CEP112: variants seen among roughly 807,000 people sequenced by gnomAD.
CEP112 encodes the protein centrosomal protein 112, also known as centrosomal protein of 112 kDa.
In CEP112, 127 loss-of-function variants were observed where a neutral mutation model predicts 153.0. That is an observed-to-expected ratio of 0.83 (90% CI 0.72 to 0.96). The LOEUF (loss-of-function observed/expected upper bound fraction) is 0.96, where lower values mean the gene tolerates loss of function less well. Among genes scored for constraint, CEP112 ranks in the 40% least tolerant of loss-of-function variants. The pLI, the probability that CEP112 is intolerant of heterozygous loss-of-function variation, is 0.00. For missense variants in CEP112, 1,089 were observed against 1,101.2 expected (o/e 0.99, Z 0.16); for synonymous variants, 358 against 374.4 (o/e 0.96, Z 0.51).
At chr17:66,002,800 C>A (rs756454087) in intron 17 of CEP112, among the ~76,000 whole-genome samples, 18 of 152,032 alleles carry the variant, frequency 1.2e-4, no homozygotes, top group Admixed American at 1.3e-4. Flanking sequence ...AAGAAATAAA[C>A]CCTTATTCAA....
chr17:65,905,468 G>A (rs892347449), intron 19 of CEP112, among the ~76,000 whole-genome samples: 1 of 152,246 alleles, frequency 6.6e-6, no homozygotes, highest in Non-Finnish European at 1.5e-5. Flanking sequence ...TAGAGAGGAT[G>A]TGGAGAAACA....
chr17:65,875,367 C>T (rs1257460176), intron 20 of CEP112, among the ~76,000 whole-genome samples: 1 of 152,002 alleles, frequency 6.6e-6, no homozygotes, highest in Non-Finnish European at 1.5e-5. Flanking sequence ...TATAGAAATG[C>T]CCTTAATAAA....
Position 66,078,282 on chromosome 17 carries a change from C to T in CEP112, c.769-8281G>A, listed in dbSNP as rs527815908. Among the ~76,000 whole-genome samples, 155 of 132,718 alleles carry T rather than the reference C, an allele frequency of 1.2e-3. 2 individuals are homozygous for T. Among genetic ancestry groups the T allele is most frequent in the African/African-American group, 4.6e-3 (152 of 33,336 alleles). The allele number at this position is 132,718 out of a possible 152,430, so 87.1% of individuals were successfully genotyped here. On this transcript the variant is annotated intron_variant, in intron 8 of 26. Coordinates refer to ENST00000535342, the MANE Select transcript of CEP112 (RefSeq NM_001199165.4). Reference sequence around the variant, plus strand: ...CTTTTTCTTTTTTTTTTTTTTGAGACGGAGTCTCACTCTGTTCCCATGCTG... The same window carrying T: ...CTTTTTCTTTTTTTTTTTTTTGAGATGGAGTCTCACTCTGTTCCCATGCTG...
At chr17:65,753,869 G>A (rs981475242) in intron 21 of CEP112, among the ~76,000 whole-genome samples, 5 of 152,144 alleles carry the variant, frequency 3.3e-5, no homozygotes, top group Non-Finnish European at 7.4e-5. Context: ...GTTAGTGCAG[G>A]AAGGCCTGTG....
At chr17:65,669,245 T>C (rs1241813813) in intron 24 of CEP112, among the ~76,000 whole-genome samples, 1 of 152,222 alleles carries the variant, frequency 6.6e-6, no homozygotes, top group Admixed American at 6.5e-5. Flanking sequence ...TTTGAAAATA[T>C]GTTATGACAT....
chr17:65,761,613 A>G (rs981156853), intron 21 of CEP112, among the ~76,000 whole-genome samples: 1 of 152,068 alleles, frequency 6.6e-6, no homozygotes, highest in African/African-American at 2.4e-5. Flanking sequence ...CATTTAGTCC[A>G]AAATATTTTT....
rs939715559 is a variant in CEP112 at position 66,029,029 on chromosome 17, T to G, written c.1503+94A>C. Reference sequence around the variant, plus strand: ...AAGAATAAAGTGAAAGAGAGATTAATTTCAAATGCCAAATAATTTCTACTT... The same window carrying G: ...AAGAATAAAGTGAAAGAGAGATTAAGTTCAAATGCCAAATAATTTCTACTT... On this transcript the variant is annotated intron_variant, in intron 14 of 26. Coordinates refer to ENST00000535342, the MANE Select transcript of CEP112 (RefSeq NM_001199165.4). 4.0e-6 allele frequency: 4 copies of G among 991,060 alleles called. No individual in the cohort carries two copies. In the African/African-American group the frequency reaches 6.5e-5, roughly 16 times the overall value. The allele number at this position is 991,060 out of a possible 1,614,324, so 61.4% of individuals were successfully genotyped here. A position where few individuals can be genotyped will look rare whatever the true frequency, so the allele number is the denominator to read the frequency against.
intron 19 of CEP112, among the ~76,000 whole-genome samples, chr17:65,922,573 C>T (rs1392158311): frequency 6.6e-6 from 1 of 151,782 alleles, no homozygotes; most frequent in Non-Finnish European, 1.5e-5. Flanking sequence ...AATTTGTGAC[C>T]CATGTGATTA....
chr17:66,029,559 C>G (rs2065373405), intron 13 of CEP112, among the ~76,000 whole-genome samples: 1 of 151,874 alleles, frequency 6.6e-6, no homozygotes, highest in South Asian at 2.1e-4. Flanking sequence ...GAAAAATTAG[C>G]CAGGCATGGT....
chr17:66,053,443 T>G (rs1297446924), intron 12 of CEP112, among the ~76,000 whole-genome samples: 1 of 151,530 alleles, frequency 6.6e-6, no homozygotes, highest in African/African-American at 2.4e-5. Flanking sequence ...GCCAAGGCCA[T>G]GCCGTTGCAC....
intron 24 of CEP112, among the ~76,000 whole-genome samples, chr17:65,647,025 C>T (rs982069428): frequency 6.6e-6 from 1 of 152,094 alleles, no homozygotes; most frequent in Non-Finnish European, 1.5e-5. Context: ...ATATGTCTGA[C>T]CTAAAATAAA....
At chr17:65,707,629 A>C (rs1473657589) in intron 23 of CEP112, among the ~76,000 whole-genome samples, 1 of 152,188 alleles carries the variant, frequency 6.6e-6, no homozygotes, top group Non-Finnish European at 1.5e-5. Context: ...TCTGAACCTT[A>C]CAAATTCATT....
At chr17:65,957,255 A>G (rs1463890259) in intron 18 of CEP112, among the ~76,000 whole-genome samples, 1 of 152,218 alleles carries the variant, frequency 6.6e-6, no homozygotes, top group African/African-American at 2.4e-5. Context: ...ATAAAACGCT[A>G]AAAAAGAAAA....
intron 18 of CEP112, among the ~76,000 whole-genome samples, chr17:65,933,450 T>C (rs1246095905): frequency 6.6e-6 from 1 of 151,990 alleles, no homozygotes; most frequent in Non-Finnish European, 1.5e-5. Flanking sequence ...AAGATACATA[T>C]CACATACAAG....
rs537458128 is a variant in CEP112 at position 65,859,312 on chromosome 17, T to C, written c.2164-7278A>G. The stretch of plus-strand genomic sequence containing the variant: ...AAAAGTAGCTGGGCGGGGTGGCAGG[T>C]GCCTGTAATCTCAGCTACTTGGGAG... On this transcript the variant is annotated intron_variant, in intron 20 of 26. Coordinates refer to ENST00000535342, the MANE Select transcript of CEP112 (RefSeq NM_001199165.4). Among the ~76,000 whole-genome samples, 833 of 151,478 alleles carry C rather than the reference T, an allele frequency of 5.5e-3. 6 individuals are homozygous for C. Among genetic ancestry groups the C allele is most frequent in the African/African-American group, 0.019 (802 of 41,286 alleles).
At chr17:65,725,211 C>T (rs2050110341) in intron 23 of CEP112, among the ~76,000 whole-genome samples, 1 of 152,100 alleles carries the variant, frequency 6.6e-6, no homozygotes, top group Non-Finnish European at 1.5e-5. Context: ...TATGGGGTCC[C>T]TACTTCTTTT....
chr17:65,832,874 A>AG (rs2057143298), intron 21 of CEP112, among the ~76,000 whole-genome samples: 1 of 152,124 alleles, frequency 6.6e-6, no homozygotes, highest in Non-Finnish European at 1.5e-5. Flanking sequence ...CCATCCTGAC[A>AG]CCAAAACCTG....
At chr17:66,026,443 T>C (rs1428224493) in intron 16 of CEP112, among the ~76,000 whole-genome samples, 1 of 128,328 alleles carries the variant, frequency 7.8e-6, no homozygotes, top group Admixed American at 8.8e-5. Context: ...TAGTAGTCAG[T>C]ACTTTCATTG....
intron 12 of CEP112, among the ~76,000 whole-genome samples, chr17:66,042,716 T>C (rs544014138): frequency 6.6e-6 from 1 of 152,210 alleles, no homozygotes; most frequent in South Asian, 2.1e-4. Flanking sequence ...TGTATCAATA[T>C]TGATTTACTT....
Sources: allele counts gnomAD v4.1 joint callset (sites outside exome capture counted in the v4.1 genomes callset), GRCh38; gene constraint gnomAD v4.1.1; transcripts MANE v1.5; gene names NCBI Gene and HGNC (gene_info 2026-07-23, HGNC 2026-07-21).